CPNE4: variants seen among roughly 807,000 people sequenced by gnomAD.
The protein encoded by CPNE4 is copine 4, also known as copine-4.
Under a neutral mutation model 67.9 loss-of-function variants are expected in CPNE4, and 25 were observed. The ratio of observed to expected loss-of-function variants is 0.37; its 90% CI spans 0.27 to 0.51. The LOEUF is 0.51. Ranked by LOEUF, CPNE4 falls within the 20% of genes least tolerant of loss-of-function variation. The pLI is 0.93. For missense variants in CPNE4, 464 were observed against 690.8 expected, an observed-to-expected ratio of 0.67 and a Z score of 3.68; for synonymous variants, 242 against 244.9, an observed-to-expected ratio of 0.99 and a Z score of 0.11.
intron 2 of CPNE4, among the ~76,000 whole-genome samples, chr3:131,881,085 C>T (rs910240038): frequency 1.3e-5 from 2 of 152,142 alleles, no homozygotes; most frequent in Non-Finnish European, 2.9e-5. Context: ...AGAACATCAA[C>T]ATAAGGCAAG....
chr3:131,608,245 G>A (rs574975458), intron 7 of CPNE4, among the ~76,000 whole-genome samples: 47 of 152,218 alleles, frequency 3.1e-4, no homozygotes, highest in Non-Finnish European at 5.1e-4. Flanking sequence ...TTAAAAACTT[G>A]GAACACAGTA....
At chr3:131,968,629 G>A (rs190827844) in intron 1 of CPNE4, among the ~76,000 whole-genome samples, 1 of 152,222 alleles carries the variant, frequency 6.6e-6, no homozygotes, top group Non-Finnish European at 1.5e-5. Flanking sequence ...GGTCATTAGA[G>A]CAATGCAAAT....
intron 9 of CPNE4, among the ~76,000 whole-genome samples, chr3:131,576,414 A>T (rs1222618799): frequency 6.6e-6 from 1 of 152,140 alleles, no homozygotes; most frequent in African/African-American, 2.4e-5. Context: ...AAGAAAAAAA[A>T]AATTGTGTGT....
chr3:131,874,482 C>G (rs936824537), intron 2 of CPNE4, among the ~76,000 whole-genome samples: 1 of 152,120 alleles, frequency 6.6e-6, no homozygotes. Flanking sequence ...GAGATACAGC[C>G]CAGGCCTGAA....
intron 2 of CPNE4, 29 bp downstream of exon 2, chr3:131,905,235 G>T (rs1353419432): frequency 1.3e-6 from 2 of 1,581,916 alleles, no homozygotes; most frequent in Non-Finnish European, 8.6e-7. Context: ...TCCAGCCATG[G>T]TTCTGTCCAT....
At chr3:131,615,510 A>T (rs1252026130) in intron 7 of CPNE4, among the ~76,000 whole-genome samples, 1 of 152,220 alleles carries the variant, frequency 6.6e-6, no homozygotes, top group Non-Finnish European at 1.5e-5. Flanking sequence ...TAGGAACCTC[A>T]CTAATTGAAG....
At chr3:132,017,312 A>C (rs1261955293) in intron 1 of CPNE4, 1 of 152,152 alleles carries the variant, frequency 6.6e-6, no homozygotes, top group Admixed American at 6.5e-5. Context: ...AAGGGAAGAA[A>C]GAGAAGGAGA....
chr3:131,688,754 C>A (rs1179277585), intron 5 of CPNE4, among the ~76,000 whole-genome samples: 1 of 151,698 alleles, frequency 6.6e-6, no homozygotes, highest in Non-Finnish European at 1.5e-5. Flanking sequence ...AAACAGATGA[C>A]AAAAATAAAA....
chr3:132,002,702 AAAAAGC>A lies in CPNE4; in HGVS notation c.-2+31859_-2+31864del, dbSNP rs375828806. On this transcript the variant is annotated intron_variant, in intron 1 of 15. Transcript: ENST00000429747. ...ATTTGGACATTTCTGTTCTTGGTAT[AAAAAGC>A]AAAAACAAAAACAAAAAACCCATGA... Among the ~76,000 whole-genome samples the A allele has an allele frequency of 5.4e-3, 823 of 152,206 alleles. 10 individuals carry two copies. The highest frequency in any genetic ancestry group is 0.018 in the African/African-American group (765 of 41,512).
At chr3:131,713,799 G>C (rs1390530890) in intron 3 of CPNE4, among the ~76,000 whole-genome samples, 2 of 152,080 alleles carry the variant, frequency 1.3e-5, no homozygotes, top group Non-Finnish European at 2.9e-5. Context: ...GAAAAAAAGA[G>C]CAAGAATTAA....
chr3:131,799,602 C>G (rs1290576580), intron 2 of CPNE4, among the ~76,000 whole-genome samples: 1 of 152,140 alleles, frequency 6.6e-6, no homozygotes, highest in East Asian at 1.9e-4. Context: ...GACCTCCTCC[C>G]TTTCCTACAT....
At chr3:131,739,263 C>T (rs556119205) in intron 2 of CPNE4, among the ~76,000 whole-genome samples, 29 of 152,224 alleles carry the variant, frequency 1.9e-4, no homozygotes, top group Admixed American at 5.9e-4. Context: ...ATTCCCCTGC[C>T]CTAATCACCA....
intron 7 of CPNE4, among the ~76,000 whole-genome samples, chr3:131,613,532 AAG>A (rs1939965322): frequency 6.6e-6 from 1 of 152,220 alleles, no homozygotes; most frequent in Non-Finnish European, 1.5e-5. Flanking sequence ...TTGATCTATA[AAG>A]AGGGGAAAAT....
At chr3:131,738,894 G>A (rs549053975) in intron 2 of CPNE4, among the ~76,000 whole-genome samples, 2 of 137,092 alleles carry the variant, frequency 1.5e-5, no homozygotes, top group Admixed American at 8.0e-5. Flanking sequence ...TGCTCTCGTC[G>A]CCCAGGCTAG....
rs556052054 is a variant in CPNE4, at chr3:131,914,602, G to C, written c.-1-9158C>G. ...CAGTACAAACACTGACTTCCCAAGA[G>C]GTTGGGAAAAGGAGAAAAGCTGTAT... On this transcript the variant is annotated intron_variant, in intron 1 of 15. Transcript: ENST00000429747. Among the ~76,000 whole-genome samples, 3 of 151,262 alleles carry C rather than the reference G, an allele frequency of 2.0e-5. No individual in the cohort carries two copies. In the South Asian group the frequency reaches 6.3e-4, roughly 32 times the overall value.
At chr3:132,003,571 C>T (rs918512447) in intron 1 of CPNE4, among the ~76,000 whole-genome samples, 8 of 103,278 alleles carry the variant, frequency 7.7e-5, no homozygotes, top group South Asian at 9.1e-4. Flanking sequence ...CCATCTTCAC[C>T]ACCTGCTTCT....
chr3:131,997,819 G>A (rs191164149), intron 1 of CPNE4, among the ~76,000 whole-genome samples: 206 of 152,256 alleles, frequency 1.4e-3, no homozygotes, highest in African/African-American at 4.8e-3. Context: ...CCAGGCTGCA[G>A]TGTTAACATG....
intron 2 of CPNE4, among the ~76,000 whole-genome samples, chr3:131,881,611 T>C (rs1355781): frequency 0.64 from 96,899 of 151,812 alleles, 31,175 homozygotes; most frequent in Admixed American, 0.73. Context: ...GAGTTTAACA[T>C]TAAGGTATTA....
intron 3 of CPNE4, among the ~76,000 whole-genome samples, chr3:131,717,995 GTCTC>G (rs372838533): frequency 1.6e-5 from 2 of 128,030 alleles, no homozygotes; most frequent in African/African-American, 3.1e-5. Flanking sequence ...CTCTCTCTCT[GTCTC>G]TCTCTCTTTC....
Sources: gnomAD v4.1 joint callset for allele counts (sites outside exome capture counted in the v4.1 genomes callset) on GRCh38, gnomAD v4.1.1 for gene constraint, MANE v1.5 for transcripts, NCBI Gene and HGNC (gene_info 2026-07-23, HGNC 2026-07-21) for gene names.